DLGAP2: variants seen among roughly 807,000 people sequenced by gnomAD.
DLGAP2 encodes the protein disks large-associated protein 2.
Under a neutral mutation model 100.3 loss-of-function variants are expected in DLGAP2, and 26 were observed. That is an observed-to-expected ratio of 0.26 (90% CI 0.19 to 0.36). The LOEUF is 0.36. DLGAP2 is among the 10% of genes least tolerant of loss of function. The pLI is 1.00. For missense variants in DLGAP2, 1,858 were observed against 1,453.2 expected, an observed-to-expected ratio of 1.28 and a Z score of -4.53; for synonymous variants, 886 against 630.1, an observed-to-expected ratio of 1.41 and a Z score of -6.08.
chr8:1,555,345 G>C (rs1363353374), intron 5 of DLGAP2, among the ~76,000 whole-genome samples: 1 of 152,162 alleles, frequency 6.6e-6, no homozygotes, highest in African/African-American at 2.4e-5. Flanking sequence ...TCCGCTTCCA[G>C]GAGCCACGTG....
chr8:944,619 G>T (rs1163886593), intron 2 of DLGAP2, among the ~76,000 whole-genome samples: 2 of 152,116 alleles, frequency 1.3e-5, no homozygotes, highest in Admixed American at 1.3e-4. Context: ...CCATGTGGGT[G>T]ATCCAGGGGG....
chr8:1,557,260 ACCTTCT>A, intron 5 of DLGAP2, among the ~76,000 whole-genome samples: 1 of 152,256 alleles, frequency 6.6e-6, no homozygotes, highest in Non-Finnish European at 1.5e-5. Context: ...GACGCGTGGA[ACCTTCT>A]CACAAGCTGT....
At chr8:1,637,280 CT>C (rs1180515674) in intron 8 of DLGAP2, among the ~76,000 whole-genome samples, 1 of 152,094 alleles carries the variant, frequency 6.6e-6, no homozygotes, top group Non-Finnish European at 1.5e-5. Context: ...ACATTTAGCT[CT>C]TTACTGGAAA....
intron 4 of DLGAP2, among the ~76,000 whole-genome samples, chr8:1,538,483 C>A (rs1251204313): frequency 6.6e-6 from 1 of 152,206 alleles, no homozygotes; most frequent in African/African-American, 2.4e-5. Context: ...GGGCTGATTT[C>A]TTTCAGGCTC....
intron 3 of DLGAP2, among the ~76,000 whole-genome samples, chr8:1,429,909 A>G (rs1437113173): frequency 6.8e-6 from 1 of 148,012 alleles, no homozygotes; most frequent in Non-Finnish European, 1.5e-5. Context: ...AACCCATTTT[A>G]CCTTCATCAT....
At chr8:1,474,449 C>G (rs113401138) in intron 3 of DLGAP2, among the ~76,000 whole-genome samples, 1 of 152,212 alleles carries the variant, frequency 6.6e-6, no homozygotes, top group East Asian at 1.9e-4. Flanking sequence ...TTCAAGGAAT[C>G]TCCTCACTGT....
intron 2 of DLGAP2, among the ~76,000 whole-genome samples, chr8:1,160,284 AG>A (rs1176277519): frequency 6.6e-6 from 1 of 152,224 alleles, no homozygotes; most frequent in Non-Finnish European, 1.5e-5. Flanking sequence ...TGCCCTCGGC[AG>A]TCAGTGATTG....
intron 2 of DLGAP2, among the ~76,000 whole-genome samples, chr8:1,202,716 C>G (rs1406425413): frequency 1.3e-5 from 2 of 152,290 alleles, no homozygotes; most frequent in East Asian, 3.9e-4. Flanking sequence ...CTGCCCAACG[C>G]TTCCTCCTCA....
intron 3 of DLGAP2, among the ~76,000 whole-genome samples, chr8:1,457,974 TCATATA>T (rs1459130458): frequency 4.3e-5 from 2 of 46,466 alleles, no homozygotes; most frequent in African/African-American, 1.5e-4. Flanking sequence ...TGTTCTCTGA[TCATATA>T]TATATATATA....
intron 3 of DLGAP2, among the ~76,000 whole-genome samples, chr8:1,485,670 G>A (rs551882718): frequency 3.5e-4 from 53 of 152,338 alleles, no homozygotes; most frequent in African/African-American, 1.3e-3. Context: ...CTGAAGCGCT[G>A]CCCCTACTTG....
chr8:922,451 A>C, intron 2 of DLGAP2, among the ~76,000 whole-genome samples: 1 of 152,352 alleles, frequency 6.6e-6, no homozygotes, highest in South Asian at 2.1e-4. Flanking sequence ...AAGGCATTTT[A>C]TTGAAAAGAA....
chr8:1,387,728 G>A (rs1796252577), intron 3 of DLGAP2, among the ~76,000 whole-genome samples: 1 of 152,200 alleles, frequency 6.6e-6, no homozygotes, highest in Admixed American at 6.5e-5. Context: ...TGAAGGGTGA[G>A]AGGAAGGTTC....
intron 3 of DLGAP2, among the ~76,000 whole-genome samples, chr8:1,410,206 T>A (rs1796688332): frequency 6.6e-6 from 1 of 152,146 alleles, no homozygotes. Context: ...CCAGATCATC[T>A]GGGAGTGGTT....
intron 3 of DLGAP2, among the ~76,000 whole-genome samples, chr8:1,322,671 C>G (rs1166021642): frequency 6.6e-6 from 1 of 152,244 alleles, no homozygotes; most frequent in East Asian, 1.9e-4. Flanking sequence ...ACCCACCCAT[C>G]GTGCTGCGTC....
chr8:1,085,960 G>T (rs746046820), intron 2 of DLGAP2, among the ~76,000 whole-genome samples: 2 of 152,036 alleles, frequency 1.3e-5, no homozygotes, highest in Non-Finnish European at 2.9e-5. Context: ...CTAGTTTTTA[G>T]TTATGGTTCT....
intron 2 of DLGAP2, among the ~76,000 whole-genome samples, chr8:1,128,231 G>A (rs1047753749): frequency 6.6e-6 from 1 of 151,020 alleles, no homozygotes; most frequent in East Asian, 2.0e-4. Context: ...GTTGTGTTCG[G>A]TGAGGACCTG....
rs139421930 is a variant in DLGAP2, at chr8:1,601,766, C to T, written c.1443-24974C>T. ...TTTCCTCAAATGCTCAGAGCTCTCT[C>T]GTAGCTTAGGGTCTTTGGAGTTGCT... On this transcript the variant is annotated intron_variant, in intron 6 of 14. Coordinates refer to ENST00000637795, the MANE Select transcript of DLGAP2 (RefSeq NM_001346810.2). Among the ~76,000 whole-genome samples the T allele has an allele frequency of 2.5e-3, 374 of 152,260 alleles. 4 individuals carry two copies. Among genetic ancestry groups the T allele is most frequent in the African/African-American group, 8.4e-3 (348 of 41,546 alleles).
At chr8:811,224 G>A (rs1281689506) in intron 1 of DLGAP2, among the ~76,000 whole-genome samples, 1 of 152,254 alleles carries the variant, frequency 6.6e-6, no homozygotes, top group Non-Finnish European at 1.5e-5. Flanking sequence ...TGGGAAAGAG[G>A]TTTCCTCCCT....
At chr8:820,909 T>G (rs1397259300) in intron 1 of DLGAP2, among the ~76,000 whole-genome samples, 1 of 152,186 alleles carries the variant, frequency 6.6e-6, no homozygotes, top group Non-Finnish European at 1.5e-5. Context: ...AATGTTAATA[T>G]ATTAATAGGA....
Sources: allele counts gnomAD v4.1 joint callset (sites outside exome capture counted in the v4.1 genomes callset), GRCh38; gene constraint gnomAD v4.1.1; transcripts MANE v1.5; gene names NCBI Gene and HGNC (gene_info 2026-07-23, HGNC 2026-07-21).